KIF11: variants seen among roughly 807,000 people sequenced by gnomAD.
KIF11 encodes kinesin family member 11, also known as kinesin-like protein KIF11.
KIF11 carries 9 observed loss-of-function variants against 121.0 expected under a neutral mutation model. The observed-to-expected ratio is 0.07, with a 90% CI of 0.04 to 0.13. The LOEUF (loss-of-function observed/expected upper bound fraction) is 0.13. Ranked by LOEUF, KIF11 falls within the 10% of genes least tolerant of loss-of-function variation. The probability of loss-of-function intolerance (pLI) is 1.00; values close to 1 mark genes in which losing one functional copy is unlikely to be tolerated. For missense variants in KIF11, 846 were observed against 1,217.5 expected, an observed-to-expected ratio of 0.69 and a Z score of 4.54; for synonymous variants, 408 against 421.0, an observed-to-expected ratio of 0.97 and a Z score of 0.38.
intron 10 of KIF11, among the ~76,000 whole-genome samples, chr10:92,621,791 CAG>C (rs1446772830): frequency 1.3e-5 from 2 of 152,136 alleles, no homozygotes; most frequent in African/African-American, 4.8e-5. Flanking sequence ...TTTGTAGAGA[CAG>C]GGTTTCACCA....
intron 6 of KIF11, 35 bp downstream of exon 6, chr10:92,609,544 T>G: frequency 6.4e-7 from 1 of 1,568,602 alleles, no homozygotes; most frequent in Non-Finnish European, 8.6e-7. Context: ...TAGCCCCATT[T>G]TCTTTTAAGA....
At chr10:92,647,628 G>T (rs1844934262) in intron 18 of KIF11, among the ~76,000 whole-genome samples, 1 of 152,170 alleles carries the variant, frequency 6.6e-6, no homozygotes, top group Non-Finnish European at 1.5e-5. Flanking sequence ...ACCTCTTAGA[G>T]ATACATGCTG....
intron 1 of KIF11, among the ~76,000 whole-genome samples, chr10:92,595,039 A>G (rs964924566): frequency 2.0e-5 from 3 of 152,170 alleles, no homozygotes; most frequent in African/African-American, 4.8e-5. Context: ...TTATTTAAAT[A>G]CTTTAGGCTT....
intron 10 of KIF11, among the ~76,000 whole-genome samples, chr10:92,628,142 TGAACATCCTAAAATGTACA>T (rs112693705): frequency 0.11 from 16,189 of 152,158 alleles, 1,020 homozygotes; most frequent in South Asian, 0.16. Flanking sequence ...TGGATGGTAC[TGAACATCCTAAAATGTACA>T]GGACATCCCC....
rs570151464 is a variant in KIF11, at chr10:92,643,018, T to A, written c.2268-2345T>A. On this transcript the variant is annotated intron_variant, in intron 17 of 21. Transcript: ENST00000260731. ...CCTCTGCCTCCCGGGTTCAAGTGAT[T>A]CTCCTGCCTCAGCCTCCTGAGTAGC... Among the ~76,000 whole-genome samples, 29 of 152,302 alleles carry A rather than the reference T, an allele frequency of 1.9e-4. 1 individual carries two copies. In the East Asian group the frequency reaches 5.0e-3, roughly 26 times the overall value.
intron 20 of KIF11, 119 bp from the exon 21 acceptor site, chr10:92,650,282 T>C: frequency 3.0e-6 from 2 of 668,254 alleles, no homozygotes; most frequent in Non-Finnish European, 5.4e-6. Flanking sequence ...CTAATAATTT[T>C]GTTGAGGTTT....
chr10:92,600,936 CTGT>C (rs1408107780), intron 1 of KIF11, among the ~76,000 whole-genome samples: 4 of 151,182 alleles, frequency 2.6e-5, no homozygotes, highest in African/African-American at 9.7e-5. Flanking sequence ...TCTCTGCTTA[CTGT>C]TACCTCTGCC....
At chr10:92,650,269 T>A in intron 20 of KIF11, 132 bp from the exon 21 acceptor site, 1 of 648,474 alleles carries the variant, frequency 1.5e-6, no homozygotes, top group Non-Finnish European at 2.8e-6. Flanking sequence ...ATTTGTAGAC[T>A]TTCTAATAAT....
intron 1 of KIF11, among the ~76,000 whole-genome samples, chr10:92,601,148 G>A (rs899290297): frequency 6.8e-6 from 1 of 146,410 alleles, no homozygotes; most frequent in African/African-American, 2.5e-5. Context: ...ATGAGCCACC[G>A]CTCTTGGCCC....
At chr10:92,634,078 G>A (rs1191923565) in intron 14 of KIF11, among the ~76,000 whole-genome samples, 2 of 152,036 alleles carry the variant, frequency 1.3e-5, no homozygotes, top group African/African-American at 4.8e-5. Flanking sequence ...CTACCTCCCG[G>A]GTTCATGCCA....
Position 92,653,747 on chromosome 10 carries a change from A to G in KIF11, c.3122A>G (p.His1041Arg), listed in dbSNP as rs747387969. ...TCTAAAGTGGAAGAAACTACAGAGC[A>G]CTTGGTTACAAAGAGCAGATTACCT... Reference protein sequence around the residue: ...ERSKVEETTEHLVTKSRLPLR... With the variant: ...ERSKVEETTERLVTKSRLPLR... Residue 1041 changes from histidine (H) to arginine (R), a missense_variant, in exon 22 of 22, where the codon CAC (histidine) becomes CGC (arginine). His to Arg is a conservative substitution (Grantham distance 29). This residue lies in a region of KIF11 where 492 missense variants were observed against 603.4 expected (regional missense o/e 0.82). Coordinates refer to ENST00000260731, the MANE Select transcript of KIF11 (RefSeq NM_004523.4). 4 of 1,613,786 alleles carry G rather than the reference A, an allele frequency of 2.5e-6. No individual in the cohort carries two copies. The African/African-American group carries it at 4.0e-5, about 16-fold the overall frequency.
At chr10:92,653,573 C>G in intron 21 of KIF11, 92 bp from the exon 22 acceptor site, 3 of 1,265,556 alleles carry the variant, frequency 2.4e-6, no homozygotes, top group African/African-American at 1.5e-5. Context: ...GTTTTTTTGC[C>G]TATAACCCAG....
chr10:92,607,140 C>T lies in KIF11; in HGVS notation c.309-19C>T. 5 of 1,487,840 alleles carry T rather than the reference C, an allele frequency of 3.4e-6. No homozygotes were observed. The highest frequency in any genetic ancestry group is 4.7e-6 in the Non-Finnish European group (5 of 1,067,540). 92.2% of individuals were successfully genotyped at this position (1,487,840 alleles called of 1,614,324 possible). On this transcript the variant is annotated intron_variant, in intron 3 of 21. Transcript: ENST00000260731. ...GGGTGCATGTTTCTTTTTGATTTAA[C>T]ACTTGTTAATCTTTACAGGTATGGC...
At chr10:92,626,910 C>G (rs964248451) in intron 10 of KIF11, among the ~76,000 whole-genome samples, 2 of 152,228 alleles carry the variant, frequency 1.3e-5, no homozygotes, top group Middle Eastern at 3.4e-3. Flanking sequence ...CAGGTGCCCG[C>G]CACCACGCCC....
intron 1 of KIF11, among the ~76,000 whole-genome samples, chr10:92,604,018 A>G (rs557202091): frequency 5.3e-5 from 8 of 152,206 alleles, no homozygotes; most frequent in Non-Finnish European, 1.2e-4. Context: ...ACTTCTCCAC[A>G]GGATAGGACT....
chr10:92,601,177 A>G (rs1430271812), intron 1 of KIF11, among the ~76,000 whole-genome samples: 2 of 137,490 alleles, frequency 1.5e-5, no homozygotes, highest in East Asian at 2.3e-4. Context: ...TTCCTTTTCA[A>G]TTTGGATGCC....
intron 9 of KIF11, 108 bp downstream of exon 9, chr10:92,616,940 A>T: frequency 1.6e-6 from 1 of 611,472 alleles, no homozygotes; most frequent in Non-Finnish European, 2.9e-6. Context: ...TTGCCCATGG[A>T]AGGCTTTTTA....
intron 1 of KIF11, among the ~76,000 whole-genome samples, chr10:92,602,852 GTGT>G (rs1844387894): frequency 7.0e-6 from 1 of 143,372 alleles, no homozygotes; most frequent in Non-Finnish European, 1.5e-5. Context: ...GTGTGTGTGT[GTGT>G]GGTTTTTTGT....
At chr10:92,649,513 C>T (rs950682046) in intron 19 of KIF11, among the ~76,000 whole-genome samples, 16 of 152,256 alleles carry the variant, frequency 1.1e-4, no homozygotes, top group Admixed American at 3.3e-4. Flanking sequence ...GAAATCTACT[C>T]ATTCCAATAA....
Sources: gnomAD v4.1 joint callset for allele counts (sites outside exome capture counted in the v4.1 genomes callset) on GRCh38, gnomAD v4.1.1 for gene constraint, gnomAD v4.1.1 regional missense constraint, MANE v1.5 for transcripts, NCBI Gene and HGNC (gene_info 2026-07-23, HGNC 2026-07-21) for gene names.